Variants in MIR2052HG observed in about 807,000 individuals in gnomAD.
The protein encoded by MIR2052HG is MIR2052 host gene.
chr8:74,717,238 T>C (rs145002566), intron 4 of MIR2052HG, among the ~76,000 whole-genome samples: 2 of 152,200 alleles, frequency 1.3e-5, no homozygotes, highest in African/African-American at 4.8e-5. Context: ...CTCCCACTTA[T>C]GAGTGAGAAC....
chr8:74,669,839 T>C (rs1808971396), intron 2 of MIR2052HG, among the ~76,000 whole-genome samples: 2 of 152,182 alleles, frequency 1.3e-5, no homozygotes, highest in African/African-American at 2.4e-5. Context: ...AAGCATCTTC[T>C]TTACACCACT....
At chr8:74,716,003 A>G (rs1268007681) in intron 4 of MIR2052HG, among the ~76,000 whole-genome samples, 1 of 152,212 alleles carries the variant, frequency 6.6e-6, no homozygotes, top group Non-Finnish European at 1.5e-5. Flanking sequence ...TGAAAGAATC[A>G]AATGCAAATG....
At chr8:74,691,932 G>C (rs1355970050) in intron 2 of MIR2052HG, among the ~76,000 whole-genome samples, 2 of 152,110 alleles carry the variant, frequency 1.3e-5, no homozygotes, top group African/African-American at 2.4e-5. Context: ...TATGCCATCA[G>C]TAGTTGTATC....
chr8:74,705,871 A>G (rs1346579670), intron 4 of MIR2052HG: 1 of 152,474 alleles, frequency 6.6e-6, no homozygotes, highest in African/African-American at 2.4e-5. Flanking sequence ...GAAATCAGAA[A>G]AAAACTAAAC....
chr8:74,647,839 A>G (rs911259139), intron 2 of MIR2052HG, among the ~76,000 whole-genome samples: 1 of 152,182 alleles, frequency 6.6e-6, no homozygotes, highest in Non-Finnish European at 1.5e-5. Flanking sequence ...AATTGTGAAT[A>G]TTTCAGGGAC....
chr8:74,707,563 T>A (rs548413750), intron 4 of MIR2052HG, among the ~76,000 whole-genome samples: 1 of 152,208 alleles, frequency 6.6e-6, no homozygotes, highest in South Asian at 2.1e-4. Flanking sequence ...TATGCAACTC[T>A]TTGTAGTCTT....
At position 74,644,528 on chromosome 8, in the gene MIR2052HG, G is replaced by A. The variant is rs377681502; in HGVS notation, n.216+31588G>A. Among the ~76,000 whole-genome samples the A allele has an allele frequency of 1.5e-4, 23 of 152,200 alleles. 1 individual carries two copies. Among genetic ancestry groups the A allele is most frequent in the Admixed American group, 4.6e-4 (7 of 15,284 alleles). On this transcript the variant is annotated intron_variant and non_coding_transcript_variant, in intron 2 of 6. Coordinates refer to ENST00000523442, the Ensembl canonical transcript of MIR2052HG. ...TCAATGCATTTCTCAGAAAATATCC[G>A]TTTCGTTAAGTGGTGCATGATTGTA...
At chr8:74,602,849 C>CTTTCTTTCTTTCTTTCTTTCTTTCTTTCT (rs1563508601) in intron 1 of MIR2052HG, among the ~76,000 whole-genome samples, 28 of 142,770 alleles carry the variant, frequency 2.0e-4, no homozygotes, top group African/African-American at 5.6e-4. Flanking sequence ...TTCTTTCTTT[C>CTTTCTTTCTTTCTTTCTTTCTTTCTTTCT]TTTCTTTCTT....
intron 2 of MIR2052HG, among the ~76,000 whole-genome samples, chr8:74,618,797 A>G (rs1395259779): frequency 6.6e-6 from 1 of 152,236 alleles, no homozygotes; most frequent in Non-Finnish European, 1.5e-5. Context: ...TAACCAGAGC[A>G]ATTAGACAAA....
chr8:74,705,050 CT>C (rs1305568974), intron 4 of MIR2052HG, among the ~76,000 whole-genome samples: 2,208 of 144,780 alleles, frequency 0.015, 28 homozygotes, highest in African/African-American at 0.04. Context: ...TTTATTCTTT[CT>C]TTTTTTTTTT....
At chr8:74,601,151 CTTAA>C (rs1807994443) in intron 1 of MIR2052HG, among the ~76,000 whole-genome samples, 2 of 152,180 alleles carry the variant, frequency 1.3e-5, no homozygotes, top group South Asian at 4.1e-4. Flanking sequence ...TCAATTTCTT[CTTAA>C]TTATTTGTAT....
intron 4 of MIR2052HG, among the ~76,000 whole-genome samples, chr8:74,716,214 C>G (rs1809519409): frequency 6.6e-6 from 1 of 152,110 alleles, no homozygotes; most frequent in Non-Finnish European, 1.5e-5. Flanking sequence ...CTGGGCCATG[C>G]AGCCCAGAGA....
intron 2 of MIR2052HG, among the ~76,000 whole-genome samples, chr8:74,684,974 C>T (rs879472773): frequency 3.9e-5 from 6 of 152,086 alleles, no homozygotes; most frequent in Non-Finnish European, 8.8e-5. Context: ...TGATTCTGAA[C>T]TCTAGCCCCA....
intron 2 of MIR2052HG, chr8:74,614,953 T>C (rs911889391): frequency 6.6e-6 from 1 of 152,222 alleles, no homozygotes; most frequent in Non-Finnish European, 1.5e-5. Flanking sequence ...AGAATTCCTC[T>C]ATAGCTCAAA....
intron 2 of MIR2052HG, among the ~76,000 whole-genome samples, chr8:74,664,079 G>A (rs1245817980): frequency 6.6e-6 from 1 of 152,056 alleles, no homozygotes; most frequent in Non-Finnish European, 1.5e-5. Flanking sequence ...CTATGAGTAG[G>A]CAAAGGCATG....
intron 2 of MIR2052HG, among the ~76,000 whole-genome samples, chr8:74,627,049 C>CT (rs1171922066): frequency 6.6e-6 from 1 of 152,206 alleles, no homozygotes; most frequent in African/African-American, 2.4e-5. Context: ...TTAACATGGC[C>CT]TGTACCCTTC....
chr8:74,688,116 T>G (rs924514827), intron 2 of MIR2052HG, among the ~76,000 whole-genome samples: 2 of 152,222 alleles, frequency 1.3e-5, no homozygotes, highest in South Asian at 4.1e-4. Flanking sequence ...AGTCCTCATA[T>G]GTTTACACTT....
intron 2 of MIR2052HG, among the ~76,000 whole-genome samples, chr8:74,677,754 A>T (rs1403325385): frequency 6.6e-6 from 1 of 152,136 alleles, no homozygotes; most frequent in African/African-American, 2.4e-5. Context: ...GCAAAAATGG[A>T]ATGAGTCAGA....
chr8:74,713,658 G>T (rs1482285161), intron 4 of MIR2052HG, among the ~76,000 whole-genome samples: 1 of 151,990 alleles, frequency 6.6e-6, no homozygotes. Context: ...TAAAAAAATG[G>T]ATTCATGGTT....
Sources: allele counts gnomAD v4.1 joint callset (sites outside exome capture counted in the v4.1 genomes callset), GRCh38; gene constraint gnomAD v4.1.1; transcripts MANE v1.5; gene names NCBI Gene and HGNC (gene_info 2026-07-23, HGNC 2026-07-21).